ELOVL7: variants seen among roughly 807,000 people sequenced by gnomAD.
The protein encoded by ELOVL7 is very long chain fatty acid elongase 7.
ELOVL7 carries 27 observed loss-of-function variants against 35.7 expected under a neutral mutation model. That is an observed-to-expected ratio of 0.76 (90% confidence interval 0.56 to 1.04). The LOEUF is 1.04. Ranked by LOEUF, ELOVL7 falls within the 50% of genes least tolerant of loss-of-function variation. ELOVL7 has a pLI of 0.00. For synonymous variants in ELOVL7, 113 were observed against 114.6 expected, an observed-to-expected ratio of 0.99 and a Z score of 0.09; for missense variants, 327 against 340.8, an observed-to-expected ratio of 0.96 and a Z score of 0.32.
At chr5:60,791,487 T>C (rs1433366081) in intron 2 of ELOVL7, among the ~76,000 whole-genome samples, 1 of 152,158 alleles carries the variant, frequency 6.6e-6, no homozygotes, top group Non-Finnish European at 1.5e-5. Flanking sequence ...TCACACACTA[T>C]ACCCTTGTAA....
At chr5:60,789,662 A>G (rs116618654) in intron 2 of ELOVL7, among the ~76,000 whole-genome samples, 1,872 of 152,338 alleles carry the variant, frequency 0.012, 23 homozygotes, top group Admixed American at 0.019. Context: ...GCATATATGC[A>G]AGTTTATTCA....
At chr5:60,804,995 G>A (rs1011897649) in intron 1 of ELOVL7, among the ~76,000 whole-genome samples, 2 of 152,154 alleles carry the variant, frequency 1.3e-5, no homozygotes, top group African/African-American at 4.8e-5. Flanking sequence ...AGAATGCAGG[G>A]GCATGCAAAC....
At chr5:60,812,147 T>C (rs1359565425) in intron 1 of ELOVL7, among the ~76,000 whole-genome samples, 1 of 152,080 alleles carries the variant, frequency 6.6e-6, no homozygotes, top group Non-Finnish European at 1.5e-5. Context: ...TGAAGCCCAG[T>C]AGTTTGAGGT....
At chr5:60,826,800 C>T (rs1394315550) in intron 1 of ELOVL7, among the ~76,000 whole-genome samples, 1 of 152,114 alleles carries the variant, frequency 6.6e-6, no homozygotes, top group Non-Finnish European at 1.5e-5. Context: ...CACAGATGTA[C>T]TCAAAAGACT....
intron 4 of ELOVL7, among the ~76,000 whole-genome samples, chr5:60,770,900 A>C (rs986189795): frequency 1.3e-5 from 2 of 152,074 alleles, no homozygotes; most frequent in Non-Finnish European, 2.9e-5. Context: ...AGGTCTCCCT[A>C]TGTTGTCCAG....
intron 7 of ELOVL7, among the ~76,000 whole-genome samples, chr5:60,762,890 G>A (rs533056364): frequency 2.6e-5 from 4 of 152,264 alleles, no homozygotes; most frequent in African/African-American, 9.6e-5. Context: ...ATTAGTGAGT[G>A]TTTAGGTATT....
chr5:60,827,757 TA>T (rs1746253553), intron 1 of ELOVL7, among the ~76,000 whole-genome samples: 1 of 152,298 alleles, frequency 6.6e-6, no homozygotes, highest in Admixed American at 6.5e-5. Flanking sequence ...TAATAGGGAA[TA>T]GAAATAAAGG....
intron 2 of ELOVL7, among the ~76,000 whole-genome samples, chr5:60,790,267 G>T (rs1743852208): frequency 6.6e-6 from 1 of 152,188 alleles, no homozygotes; most frequent in African/African-American, 2.4e-5. Flanking sequence ...GAACTCTTAA[G>T]AGGTAGACAC....
At chr5:60,758,966 G>A (rs548745903) in intron 7 of ELOVL7, among the ~76,000 whole-genome samples, 75 of 152,220 alleles carry the variant, frequency 4.9e-4, no homozygotes, top group African/African-American at 1.8e-3. Flanking sequence ...ATGAATTACA[G>A]AAAGTTTAAA....
intron 3 of ELOVL7, among the ~76,000 whole-genome samples, chr5:60,780,587 A>G (rs907837202): frequency 6.6e-6 from 1 of 152,216 alleles, no homozygotes; most frequent in African/African-American, 2.4e-5. Context: ...GCTATGAAGA[A>G]ATACCCAAGA....
chr5:60,795,587 T>C (rs1744204744), intron 2 of ELOVL7, among the ~76,000 whole-genome samples: 2 of 152,184 alleles, frequency 1.3e-5, no homozygotes, highest in Admixed American at 1.3e-4. Context: ...TCCGTGTTTG[T>C]TCTGGCTCAA....
intron 1 of ELOVL7, among the ~76,000 whole-genome samples, chr5:60,807,992 CAAAAAAAAAAAAA>C (rs34086506): frequency 4.7e-5 from 2 of 42,422 alleles, no homozygotes; most frequent in African/African-American, 1.5e-4. Context: ...GACTCCGTCT[CAAAAAAAAAAAAA>C]AAAAAAAAAA....
At chr5:60,810,002 T>C (rs1302303034) in intron 1 of ELOVL7, among the ~76,000 whole-genome samples, 1 of 152,168 alleles carries the variant, frequency 6.6e-6, no homozygotes, top group Non-Finnish European at 1.5e-5. Context: ...ACTTTCCATG[T>C]CCTTGGGCTA....
intron 1 of ELOVL7, among the ~76,000 whole-genome samples, chr5:60,839,107 G>T (rs1747008127): frequency 6.6e-6 from 1 of 152,026 alleles, no homozygotes; most frequent in African/African-American, 2.4e-5. Flanking sequence ...GGAGGCTGAG[G>T]TGAGCAGATC....
chr5:60,766,843 C>T (rs1584165716), intron 5 of ELOVL7, among the ~76,000 whole-genome samples: 1 of 152,310 alleles, frequency 6.6e-6, no homozygotes, highest in East Asian at 1.9e-4. Context: ...TGAAGCTACA[C>T]CCACTAAACT....
intron 1 of ELOVL7, among the ~76,000 whole-genome samples, chr5:60,838,355 G>T (rs1360728878): frequency 1.3e-5 from 2 of 152,080 alleles, no homozygotes; most frequent in Admixed American, 1.3e-4. Context: ...CTTCCTGTCT[G>T]CCCGCCTCTG....
rs981746476 is a variant in ELOVL7 at position 60,835,250 on chromosome 5, A to G, written c.-86+8910T>C. On this transcript the variant is annotated intron_variant, in intron 1 of 8. Transcript: ENST00000508821. ...GACTGTACTTGAGGAAGAGCTCCTC[A>G]CCAATATTTTTCTGCTATAAACCAT... Among the ~76,000 whole-genome samples the G allele has an allele frequency of 5.9e-5, 9 of 151,600 alleles. 1 individual carries two copies. Among genetic ancestry groups the G allele is most frequent in the African/African-American group, 1.9e-4 (8 of 41,158 alleles).
At chr5:60,838,172 C>T (rs987376511) in intron 1 of ELOVL7, among the ~76,000 whole-genome samples, 8 of 152,162 alleles carry the variant, frequency 5.3e-5, no homozygotes, top group African/African-American at 1.9e-4. Context: ...TCTCAGTAAG[C>T]CTGGCCTCTG....
chr5:60,772,154 C>A, intron 3 of ELOVL7, 61 bp from the exon 4 acceptor site: 1 of 1,134,702 alleles, frequency 8.8e-7, no homozygotes, highest in Non-Finnish European at 1.2e-6. Context: ...TAACAGCAAC[C>A]AACATTTCTT....
Sources: gnomAD v4.1 joint callset for allele counts (sites outside exome capture counted in the v4.1 genomes callset) on GRCh38, gnomAD v4.1.1 for gene constraint, MANE v1.5 for transcripts, NCBI Gene and HGNC (gene_info 2026-07-23, HGNC 2026-07-21) for gene names.